The following CDH18 variants were observed in gnomAD, a reference collection of about 807,000 sequenced individuals.
The protein encoded by CDH18 is cadherin 18, also known as cadherin-18.
Under a neutral mutation model 67.9 loss-of-function variants are expected in CDH18, and 31 were observed. The ratio of observed to expected loss-of-function variants is 0.46; its 90% CI spans 0.34 to 0.62. The LOEUF is 0.62. Among genes scored for constraint, CDH18 ranks in the 20% least tolerant of loss-of-function variants. CDH18 has a pLI of 0.01. For missense variants in CDH18, 890 were observed against 975.5 expected, an observed-to-expected ratio of 0.91 and a Z score of 1.17; for synonymous variants, 362 against 347.2, an observed-to-expected ratio of 1.04 and a Z score of -0.48.
At chr5:20,106,022 A>G (rs1289557672) in intron 2 of CDH18, among the ~76,000 whole-genome samples, 1 of 150,772 alleles carries the variant, frequency 6.6e-6, no homozygotes, top group Non-Finnish European at 1.5e-5. Flanking sequence ...TTTCTGTTCT[A>G]TTGTGTGTGT....
chr5:20,100,785 T>A (rs1023233916), intron 2 of CDH18, among the ~76,000 whole-genome samples: 1 of 152,178 alleles, frequency 6.6e-6, no homozygotes, highest in African/African-American at 2.4e-5. Flanking sequence ...TAAGAGAATA[T>A]CCCCACTACA....
At chr5:20,056,424 C>T in intron 2 of CDH18, among the ~76,000 whole-genome samples, 1 of 131,200 alleles carries the variant, frequency 7.6e-6, no homozygotes, top group African/African-American at 2.8e-5. Flanking sequence ...CTTTTTTGTC[C>T]TCTATATGTT....
intron 2 of CDH18, among the ~76,000 whole-genome samples, chr5:20,151,789 A>G (rs1751126652): frequency 6.6e-6 from 1 of 152,080 alleles, no homozygotes; most frequent in Non-Finnish European, 1.5e-5. Context: ...ATACTTTATT[A>G]ATAAATAGTA....
intron 5 of CDH18, among the ~76,000 whole-genome samples, chr5:19,661,600 ACT>A (rs2150313766): frequency 6.6e-6 from 1 of 152,134 alleles, no homozygotes; most frequent in South Asian, 2.1e-4. Context: ...ATTTTGTGAA[ACT>A]CTCATATTAT....
At chr5:19,708,724 T>C (rs531531847) in intron 5 of CDH18, among the ~76,000 whole-genome samples, 138 of 152,296 alleles carry the variant, frequency 9.1e-4, no homozygotes, top group Non-Finnish European at 1.4e-3. Flanking sequence ...CCAGAGCCCA[T>C]CCCTTTGTTT....
Position 19,621,392 on chromosome 5 carries a change from A to G in CDH18, c.644-8791T>C, listed in dbSNP as rs1750672290. ...TAGCCATCCTAGCTAGTATGAGGTG[A>G]TATCTCCTTGTGGTTTGGATTTATA... On this transcript the variant is annotated intron_variant, in intron 5 of 12. Coordinates refer to ENST00000382275, the MANE Select transcript of CDH18 (RefSeq NM_004934.5). Among the ~76,000 whole-genome samples, 8 of 151,994 alleles carry G rather than the reference A, an allele frequency of 5.3e-5. No individual in the cohort carries two copies. The South Asian group carries it at 1.7e-3, about 31-fold the overall frequency.
chr5:20,343,721 T>C (rs1451668369), intron 1 of CDH18, among the ~76,000 whole-genome samples: 1 of 152,128 alleles, frequency 6.6e-6, no homozygotes. Context: ...GAGAAAGCCA[T>C]TAACATTTAC....
At chr5:19,647,001 G>A (rs1754847292) in intron 5 of CDH18, among the ~76,000 whole-genome samples, 1 of 152,050 alleles carries the variant, frequency 6.6e-6, no homozygotes, top group African/African-American at 2.4e-5. Flanking sequence ...AAATAGCACT[G>A]AAACACATTG....
intron 1 of CDH18, among the ~76,000 whole-genome samples, chr5:20,573,905 GTATTTATATATATAAAAGAAATA>G (rs1758966042): frequency 4.4e-5 from 1 of 22,478 alleles, no homozygotes; most frequent in Non-Finnish European, 8.7e-5. Flanking sequence ...ATATATATAT[GTATTTATATATATAAAAGAAATA>G]TATATATATT....
chr5:20,193,246 A>T (rs1301630888), intron 2 of CDH18, among the ~76,000 whole-genome samples: 3 of 152,136 alleles, frequency 2.0e-5, no homozygotes, highest in African/African-American at 7.2e-5. Flanking sequence ...AAAAATGATA[A>T]AGAGGATATC....
intron 9 of CDH18, among the ~76,000 whole-genome samples, chr5:19,526,908 TTAAA>T (rs1747829473): frequency 3.3e-5 from 5 of 151,982 alleles, no homozygotes; most frequent in Admixed American, 2.6e-4. Context: ...GAATATGAAC[TTAAA>T]TAATCACATT....
intron 5 of CDH18, among the ~76,000 whole-genome samples, chr5:19,623,796 T>G (rs988821099): frequency 6.6e-6 from 1 of 151,510 alleles, no homozygotes; most frequent in African/African-American, 2.4e-5. Flanking sequence ...TATACATATA[T>G]CAATGACCAT....
chr5:19,600,965 G>A (rs1033742002), intron 6 of CDH18, among the ~76,000 whole-genome samples: 2 of 152,074 alleles, frequency 1.3e-5, no homozygotes, highest in South Asian at 4.1e-4. Context: ...GTTGCTTTTC[G>A]ATGTTTCCAT....
At chr5:20,129,919 A>C (rs1373724780) in intron 2 of CDH18, among the ~76,000 whole-genome samples, 1 of 151,942 alleles carries the variant, frequency 6.6e-6, no homozygotes, top group Non-Finnish European at 1.5e-5. Flanking sequence ...TGGGCACTAC[A>C]TAACAAATAT....
chr5:19,541,677 C>T (rs1469025436), intron 9 of CDH18, among the ~76,000 whole-genome samples: 4 of 152,074 alleles, frequency 2.6e-5, no homozygotes, highest in Admixed American at 6.6e-5. Flanking sequence ...TTTATAAAAC[C>T]ATCAGATCTC....
intron 5 of CDH18, among the ~76,000 whole-genome samples, chr5:19,637,355 G>A (rs1753311851): frequency 6.6e-6 from 1 of 151,960 alleles, no homozygotes; most frequent in South Asian, 2.1e-4. Flanking sequence ...CTAATATCAC[G>A]GCTGCCATGC....
At chr5:20,413,127 C>T (rs549123421) in intron 1 of CDH18, among the ~76,000 whole-genome samples, 1 of 152,208 alleles carries the variant, frequency 6.6e-6, no homozygotes, top group Non-Finnish European at 1.5e-5. Context: ...CATGTCCCTA[C>T]AAAGGACATG....
chr5:19,749,019 A>G (rs570574990), intron 3 of CDH18, among the ~76,000 whole-genome samples: 2 of 152,252 alleles, frequency 1.3e-5, no homozygotes, highest in African/African-American at 4.8e-5. Flanking sequence ...ATACTAAAAG[A>G]AGAATGCAGA....
At chr5:19,661,617 T>A (rs1364821500) in intron 5 of CDH18, among the ~76,000 whole-genome samples, 1 of 152,008 alleles carries the variant, frequency 6.6e-6, no homozygotes, top group East Asian at 1.9e-4. Flanking sequence ...TATTATAAAA[T>A]AAAATAAAAA....
Sources: gnomAD v4.1 joint callset for allele counts (sites outside exome capture counted in the v4.1 genomes callset) on GRCh38, gnomAD v4.1.1 for gene constraint, MANE v1.5 for transcripts, NCBI Gene and HGNC (gene_info 2026-07-23, HGNC 2026-07-21) for gene names.